The following PRKN variants were observed in gnomAD, a reference collection of about 807,000 sequenced individuals.
PRKN encodes the protein E3 ubiquitin-protein ligase parkin.
In PRKN, 56 loss-of-function variants were observed where a neutral mutation model predicts 59.5. That is an observed-to-expected ratio of 0.94 (90% CI 0.76 to 1.18). The LOEUF is 1.18. Ranked by LOEUF, PRKN falls within the 50% of genes most tolerant of loss-of-function variation. PRKN has a pLI of 0.00. For synonymous variants in PRKN, 250 were observed against 222.1 expected, an observed-to-expected ratio of 1.13 and a Z score of -1.12; for missense variants, 657 against 596.4, an observed-to-expected ratio of 1.10 and a Z score of -1.06.
At chr6:162,205,947 C>T (rs992859636) in intron 3 of PRKN, among the ~76,000 whole-genome samples, 1 of 152,144 alleles carries the variant, frequency 6.6e-6, no homozygotes, top group African/African-American at 2.4e-5. Context: ...CTGGTCCCCT[C>T]TTCAACTGAC....
intron 5 of PRKN, among the ~76,000 whole-genome samples, chr6:162,026,543 C>T (rs966882911): frequency 1.3e-5 from 2 of 152,142 alleles, no homozygotes; most frequent in African/African-American, 4.8e-5. Context: ...GATGCTTTTG[C>T]TGTAAATATT....
At chr6:162,648,472 G>A (rs2803102) in intron 1 of PRKN, among the ~76,000 whole-genome samples, 80,087 of 150,554 alleles carry the variant, frequency 0.53, 22,018 homozygotes, top group African/African-American at 0.64. Flanking sequence ...ACCTCCGCCC[G>A]CCGGGTTCAA....
At chr6:162,021,102 C>A (rs376129001) in intron 5 of PRKN, among the ~76,000 whole-genome samples, 193 of 82,036 alleles carry the variant, frequency 2.4e-3, no homozygotes, top group East Asian at 3.6e-3. Flanking sequence ...GACTCTGTCT[C>A]AAAAAAAAAA....
chr6:161,916,428 T>C (rs1175594991), intron 6 of PRKN, among the ~76,000 whole-genome samples: 3 of 152,216 alleles, frequency 2.0e-5, no homozygotes, highest in Non-Finnish European at 4.4e-5. Flanking sequence ...AACAAGTAAG[T>C]AAAAATATTA....
intron 1 of PRKN, among the ~76,000 whole-genome samples, chr6:162,490,327 A>G (rs1335255169): frequency 6.6e-6 from 1 of 152,238 alleles, no homozygotes; most frequent in African/African-American, 2.4e-5. Context: ...AGGAAAAGAA[A>G]GAAAAGCAAC....
intron 5 of PRKN, 54 bp from the exon 6 acceptor site, chr6:161,973,471 C>A: frequency 1.0e-6 from 1 of 968,588 alleles, no homozygotes; most frequent in South Asian, 1.3e-5. Context: ...CTCATTTTTC[C>A]TCTAAATGTT....
intron 2 of PRKN, among the ~76,000 whole-genome samples, chr6:162,370,852 G>A (rs1201325465): frequency 1.3e-5 from 2 of 152,156 alleles, no homozygotes. Flanking sequence ...TCTGGAAAAA[G>A]AGTTTAGTGA....
chr6:161,493,164 G>T (rs370976367), intron 9 of PRKN, among the ~76,000 whole-genome samples: 4 of 152,190 alleles, frequency 2.6e-5, no homozygotes. Flanking sequence ...TGCCAAAGGG[G>T]AGGATCATAG....
At position 162,693,579 on chromosome 6, in the gene PRKN, A is replaced by G. The variant is rs116334448; in HGVS notation, c.7+34083T>C. On this transcript the variant is annotated intron_variant, in intron 1 of 11. Transcript: ENST00000366898. The stretch of plus-strand genomic sequence containing the variant: ...AATGCATTAAAGGAACTCAAACTGG[A>G]AAAGGAGAATTATCCAGCCATTAAA... 1.8e-3 allele frequency among the ~76,000 whole-genome samples: 271 copies of G among 152,278 alleles called. 1 individual carries two copies. Among genetic ancestry groups the G allele is most frequent in the African/African-American group, 4.9e-3 (204 of 41,556 alleles).
chr6:162,341,159 C>T (rs1784158877), intron 2 of PRKN, among the ~76,000 whole-genome samples: 1 of 152,098 alleles, frequency 6.6e-6, no homozygotes, highest in African/African-American at 2.4e-5. Flanking sequence ...TGAAAAAAAG[C>T]TCATCATCAC....
intron 2 of PRKN, among the ~76,000 whole-genome samples, chr6:162,399,033 A>T (rs1787627939): frequency 6.6e-6 from 1 of 152,208 alleles, no homozygotes; most frequent in Non-Finnish European, 1.5e-5. Flanking sequence ...ACTATGAAAA[A>T]TGGGACAATA....
Position 161,605,508 on chromosome 6 carries a change from C to G in PRKN, c.872-36092G>C, listed in dbSNP as rs1023004846. Among the ~76,000 whole-genome samples the G allele has an allele frequency of 2.1e-5, 3 of 141,746 alleles. No homozygotes were observed. The South Asian group carries it at 6.3e-4, about 30-fold the overall frequency. 93.0% of individuals were successfully genotyped at this position (141,746 alleles called of 152,430 possible). A position where few individuals can be genotyped will look rare whatever the true frequency, so the allele number is the denominator to read the frequency against. ...TTGTAAATAGCAGAAAGGGGCTGCC[C>G]TCTCTCTTTTTTTTTTTTTTTGAGA... On this transcript the variant is annotated intron_variant, in intron 7 of 11. Transcript: ENST00000366898.
At chr6:161,980,885 A>G (rs975865633) in intron 5 of PRKN, among the ~76,000 whole-genome samples, 3 of 152,212 alleles carry the variant, frequency 2.0e-5, no homozygotes, top group Non-Finnish European at 4.4e-5. Context: ...TAGTGGTGAC[A>G]CATTCTAATC....
intron 2 of PRKN, among the ~76,000 whole-genome samples, chr6:162,304,641 G>A (rs1782142900): frequency 6.7e-6 from 1 of 150,296 alleles, no homozygotes; most frequent in Non-Finnish European, 1.5e-5. Flanking sequence ...AACGACTTGG[G>A]GAACTTTTCA....
chr6:162,673,499 C>T (rs10945856), intron 1 of PRKN, among the ~76,000 whole-genome samples: 27,668 of 152,168 alleles, frequency 0.18, 3,134 homozygotes, highest in East Asian at 0.48. Flanking sequence ...CGTGCTCCCA[C>T]TTCAGCCTCC....
chr6:162,482,680 T>A (rs549799920), intron 1 of PRKN, among the ~76,000 whole-genome samples: 49 of 152,278 alleles, frequency 3.2e-4, no homozygotes, highest in African/African-American at 1.2e-3. Context: ...AAGTATACTA[T>A]GTAAAATGGA....
chr6:161,564,383 C>G (rs1780560929), intron 8 of PRKN, among the ~76,000 whole-genome samples: 1 of 152,184 alleles, frequency 6.6e-6, no homozygotes, highest in African/African-American at 2.4e-5. Flanking sequence ...TATCCTTTTT[C>G]CTACCACATA....
Position 162,095,754 on chromosome 6 carries a change from C to T in PRKN, c.535-41580G>A, listed in dbSNP as rs150714819. 1.0e-3 allele frequency among the ~76,000 whole-genome samples: 154 copies of T among 152,192 alleles called. 1 individual carries two copies. The highest frequency in any genetic ancestry group is 3.5e-3 in the African/African-American group (145 of 41,544). ...TGCAGGAATGGTTTGGTATCAAGAACGTGGGCTCCAGAGGTGGACAGGTGT... is the reference window on the plus strand; with the variant it reads ...TGCAGGAATGGTTTGGTATCAAGAATGTGGGCTCCAGAGGTGGACAGGTGT... On this transcript the variant is annotated intron_variant, in intron 4 of 11. Transcript: ENST00000366898.
At position 161,917,752 on chromosome 6, in the gene PRKN, T is replaced by C. The variant is rs574107328; in HGVS notation, c.734+55550A>G. On this transcript the variant is annotated intron_variant, in intron 6 of 11. Coordinates refer to ENST00000366898, the MANE Select transcript of PRKN (RefSeq NM_004562.3). ...GAGTCCAAATACAGCCATACTCATT[T>C]TGCTTGTAAAAATTTAGTTTTTCAA... 4.6e-5 allele frequency among the ~76,000 whole-genome samples: 7 copies of C among 152,348 alleles called. No individual in the cohort carries two copies. In the South Asian group the frequency reaches 1.4e-3, roughly 32 times the overall value.
Sources: gnomAD v4.1 joint callset for allele counts (sites outside exome capture counted in the v4.1 genomes callset) on GRCh38, gnomAD v4.1.1 for gene constraint, MANE v1.5 for transcripts, NCBI Gene and HGNC (gene_info 2026-07-23, HGNC 2026-07-21) for gene names.